CAMKMT: variants seen among roughly 807,000 people sequenced by gnomAD.
CAMKMT encodes the protein calmodulin-lysine N-methyltransferase.
Under a neutral mutation model 48.0 loss-of-function variants are expected in CAMKMT, and 53 were observed. That is an observed-to-expected ratio of 1.10 (90% CI 0.89 to 1.39). CAMKMT has a LOEUF of 1.39. Among genes scored for constraint, CAMKMT ranks in the 40% most tolerant of loss-of-function variants. The pLI, the probability that CAMKMT is intolerant of heterozygous loss-of-function variation, is 0.00. For synonymous variants in CAMKMT, 165 were observed against 152.3 expected (o/e 1.08, Z -0.61); for missense variants, 428 against 402.7 (o/e 1.06, Z -0.54).
chr2:44,708,589 G>T (rs1219687272), intron 6 of CAMKMT, among the ~76,000 whole-genome samples: 1 of 152,046 alleles, frequency 6.6e-6, no homozygotes. Context: ...ATCACAAAAG[G>T]TGCTTCCTTT....
At chr2:44,519,055 A>C (rs1175807319) in intron 3 of CAMKMT, among the ~76,000 whole-genome samples, 1 of 152,242 alleles carries the variant, frequency 6.6e-6, no homozygotes, top group Admixed American at 6.5e-5. Flanking sequence ...AAATGTAATG[A>C]AAGTGATACG....
At chr2:44,660,963 T>A (rs113074842) in intron 3 of CAMKMT, among the ~76,000 whole-genome samples, 3,079 of 152,296 alleles carry the variant, frequency 0.02, 77 homozygotes, top group African/African-American at 0.064. Flanking sequence ...AGTTTTTTTT[T>A]AAATATATGT....
intron 3 of CAMKMT, among the ~76,000 whole-genome samples, chr2:44,489,966 C>G (rs1170823383): frequency 2.0e-5 from 3 of 151,928 alleles, no homozygotes; most frequent in Non-Finnish European, 4.4e-5. Flanking sequence ...CATGTACTTG[C>G]TGAATCTAAT....
At chr2:44,372,670 T>C (rs1679296391) in intron 1 of CAMKMT, 46 bp from the exon 2 acceptor site, 2 of 1,550,792 alleles carry the variant, frequency 1.3e-6, no homozygotes, top group Non-Finnish European at 1.8e-6. Flanking sequence ...CTAAACTTAC[T>C]ATATGTTTAG....
intron 3 of CAMKMT, among the ~76,000 whole-genome samples, chr2:44,578,735 C>T (rs144448173): frequency 4.6e-4 from 70 of 151,896 alleles, no homozygotes; most frequent in African/African-American, 1.6e-3. Context: ...AGTCATGGTC[C>T]GTATTATTTT....
At chr2:44,449,615 C>T (rs1667185456) in intron 3 of CAMKMT, among the ~76,000 whole-genome samples, 1 of 152,156 alleles carries the variant, frequency 6.6e-6, no homozygotes, top group Middle Eastern at 3.4e-3. Context: ...ATTCTTTAGA[C>T]TTTACTCTGC....
chr2:44,611,582 A>G (rs1671601481), intron 3 of CAMKMT, among the ~76,000 whole-genome samples: 2 of 152,190 alleles, frequency 1.3e-5, no homozygotes, highest in Admixed American at 1.3e-4. Flanking sequence ...GTGTTCTGGA[A>G]CACCCACAAA....
intron 4 of CAMKMT, among the ~76,000 whole-genome samples, chr2:44,705,722 A>G (rs1284770926): frequency 1.3e-5 from 2 of 152,100 alleles, no homozygotes; most frequent in African/African-American, 4.8e-5. Flanking sequence ...TAATTGCTAA[A>G]TGCTCTTTGT....
intron 2 of CAMKMT, among the ~76,000 whole-genome samples, chr2:44,390,015 A>T (rs1464214067): frequency 6.6e-6 from 1 of 152,214 alleles, no homozygotes; most frequent in Non-Finnish European, 1.5e-5. Flanking sequence ...GTACTTTAAG[A>T]TGTAGATTAA....
intron 3 of CAMKMT, among the ~76,000 whole-genome samples, chr2:44,390,873 A>T (rs967841960): frequency 6.6e-6 from 1 of 152,184 alleles, no homozygotes; most frequent in African/African-American, 2.4e-5. Flanking sequence ...CCACTGAGAA[A>T]ATCACTTAAA....
intron 3 of CAMKMT, among the ~76,000 whole-genome samples, chr2:44,552,331 A>G (rs1301690108): frequency 6.6e-6 from 1 of 152,178 alleles, no homozygotes; most frequent in Admixed American, 6.5e-5. Flanking sequence ...ATTTTATTTA[A>G]AAGACTGTGG....
rs985232080 is a variant in CAMKMT at position 44,639,405 on chromosome 2, G to A, written c.377-64878G>A. Among the ~76,000 whole-genome samples, 12 of 152,296 alleles carry A rather than the reference G, an allele frequency of 7.9e-5. No individual in the cohort carries two copies. In the South Asian group the frequency reaches 1.0e-3, roughly 13 times the overall value. ...ATAGCAGTTAAGAGCACAGATGCTG[G>A]AGTCAGACTGCATGGGATTCAATCG... is the stretch of plus-strand genomic sequence containing the variant. On this transcript the variant is annotated intron_variant, in intron 3 of 10. Coordinates refer to ENST00000378494, the MANE Select transcript of CAMKMT (RefSeq NM_024766.5).
rs565095829 is a variant in CAMKMT, at chr2:44,478,004, G to A, written c.376+87699G>A. On this transcript the variant is annotated intron_variant, in intron 3 of 10. Transcript: ENST00000378494. ...AAGGCTGCAGTGACAATTTGTTTCA[G>A]TGGCCCTAAAAAATACCTATATGTA... is the stretch of plus-strand genomic sequence containing the variant. Among the ~76,000 whole-genome samples, 5 of 152,244 alleles carry A rather than the reference G, an allele frequency of 3.3e-5. No individual in the cohort carries two copies. The East Asian group carries it at 9.6e-4, about 29-fold the overall frequency.
chr2:44,550,498 G>A (rs1453829357), intron 3 of CAMKMT: 1 of 151,990 alleles, frequency 6.6e-6, no homozygotes, highest in East Asian at 1.9e-4. Context: ...GAATAGTAAA[G>A]GAATTAAATC....
At position 44,507,073 on chromosome 2, in the gene CAMKMT, C is replaced by CTT. The variant is rs11379200; in HGVS notation, c.376+116778_376+116779dup. Among the ~76,000 whole-genome samples the CTT allele has an allele frequency of 7.5e-3, 1,126 of 149,306 alleles. 12 individuals are homozygous for CTT. Among genetic ancestry groups the CTT allele is most frequent in the African/African-American group, 0.015 (624 of 40,854 alleles). On this transcript the variant is annotated intron_variant, in intron 3 of 10. Transcript: ENST00000378494. Reference sequence around the variant, plus strand: ...TTGGAATTCATAAAATTTGTGCAATCTTTTTTTTTTTGAATATGTGTGTCC... The same window carrying CTT: ...TTGGAATTCATAAAATTTGTGCAATCTTTTTTTTTTTTTGAATATGTGTGTCC...
chr2:44,527,041 C>A (rs900614088), intron 3 of CAMKMT, among the ~76,000 whole-genome samples: 61 of 149,528 alleles, frequency 4.1e-4, no homozygotes, highest in African/African-American at 1.4e-3. Context: ...CATTAGCAGT[C>A]ACTGCCCATT....
chr2:44,491,949 T>A (rs1166323285), intron 3 of CAMKMT, among the ~76,000 whole-genome samples: 1 of 152,244 alleles, frequency 6.6e-6, no homozygotes, highest in African/African-American at 2.4e-5. Context: ...TCTACTAATA[T>A]TACTGATTTA....
At chr2:44,368,681 G>C (rs1678864441) in intron 1 of CAMKMT, among the ~76,000 whole-genome samples, 1 of 152,156 alleles carries the variant, frequency 6.6e-6, no homozygotes, top group Non-Finnish European at 1.5e-5. Flanking sequence ...CTTGACATCA[G>C]AGTAATTTAG....
At position 44,473,198 on chromosome 2, in the gene CAMKMT, CAT is replaced by C. The variant is rs891094838; in HGVS notation, c.376+82896_376+82897del. ...AGAGACATGGATTATTATTGGCCAA[CAT>C]ATGTTTTTTTGTGGGCATTTCCTTT... On this transcript the variant is annotated intron_variant, in intron 3 of 10. Coordinates refer to ENST00000378494, the MANE Select transcript of CAMKMT (RefSeq NM_024766.5). 4.6e-5 allele frequency among the ~76,000 whole-genome samples: 7 copies of C among 152,168 alleles called. No homozygotes were observed. In the South Asian group the frequency reaches 1.0e-3, roughly 23 times the overall value.
Sources: allele counts gnomAD v4.1 joint callset (sites outside exome capture counted in the v4.1 genomes callset), GRCh38; gene constraint gnomAD v4.1.1; transcripts MANE v1.5; gene names NCBI Gene and HGNC (gene_info 2026-07-23, HGNC 2026-07-21).